The following PHACTR1 variants were observed in gnomAD, a reference collection of about 807,000 sequenced individuals.
The protein encoded by PHACTR1 is RPEL repeat containing 1.
In PHACTR1, 16 loss-of-function variants were observed where a neutral mutation model predicts 69.2. The observed-to-expected ratio is 0.23, with a 90% confidence interval of 0.16 to 0.35. The LOEUF is 0.35. Among genes scored for constraint, PHACTR1 ranks in the 10% least tolerant of loss-of-function variants. PHACTR1 has a pLI of 1.00. For missense variants in PHACTR1, 510 were observed against 734.7 expected (o/e 0.69, Z 3.54); for synonymous variants, 312 against 284.5 (o/e 1.10, Z -0.97).
At chr6:13,033,983 T>C (rs1386287654) in intron 4 of PHACTR1, among the ~76,000 whole-genome samples, 1 of 152,050 alleles carries the variant, frequency 6.6e-6, no homozygotes, top group Non-Finnish European at 1.5e-5. Flanking sequence ...TGTCCCACAA[T>C]ATTTTGAGTA....
At chr6:12,858,954 T>C (rs1382682660) in intron 4 of PHACTR1, among the ~76,000 whole-genome samples, 1 of 152,212 alleles carries the variant, frequency 6.6e-6, no homozygotes, top group African/African-American at 2.4e-5. Flanking sequence ...GATATTATGA[T>C]GTCAGTTTCA....
At position 12,797,040 on chromosome 6, in the gene PHACTR1, T is replaced by TGTGTGAGA. The variant is rs563796658; in HGVS notation, c.250+47251_250+47252insTGTGAGAG. The stretch of plus-strand genomic sequence containing the variant: ...GTGTGTGTGTGTGTGTGTGTGTGTG[T>TGTGTGAGA]GAGAGAGAGAGAGAGAGGGATATGA... On this transcript the variant is annotated intron_variant, in intron 4 of 14. Transcript: ENST00000332995. 3.7e-3 allele frequency among the ~76,000 whole-genome samples: 499 copies of TGTGTGAGA among 133,384 alleles called. 1 individual carries two copies. Among genetic ancestry groups the TGTGTGAGA allele is most frequent in the African/African-American group, 0.013 (475 of 35,762 alleles). 87.5% of individuals were successfully genotyped at this position (133,384 alleles called of 152,430 possible). A position where few individuals can be genotyped will look rare whatever the true frequency, so the allele number is the denominator to read the frequency against.
intron 4 of PHACTR1, among the ~76,000 whole-genome samples, chr6:12,852,246 T>G (rs4714930): frequency 0.47 from 71,282 of 152,084 alleles, 17,981 homozygotes; most frequent in African/African-American, 0.65. Flanking sequence ...CCAAGCAACG[T>G]CCCAGAGCTG....
At chr6:12,861,378 A>T (rs1231759037) in intron 4 of PHACTR1, among the ~76,000 whole-genome samples, 2 of 152,250 alleles carry the variant, frequency 1.3e-5, no homozygotes, top group African/African-American at 4.8e-5. Flanking sequence ...CAACAAAAAC[A>T]ATAATAATGC....
intron 4 of PHACTR1, among the ~76,000 whole-genome samples, chr6:12,975,190 T>C (rs949998421): frequency 2.0e-5 from 3 of 152,232 alleles, no homozygotes; most frequent in African/African-American, 4.8e-5. Flanking sequence ...GCCTGTGTTT[T>C]GCATTCTTTT....
intron 4 of PHACTR1, among the ~76,000 whole-genome samples, chr6:12,790,517 G>T (rs1364083453): frequency 2.0e-5 from 3 of 152,118 alleles, no homozygotes; most frequent in South Asian, 4.1e-4. Flanking sequence ...TCTTGCTTTC[G>T]CATTGTTCAT....
At chr6:12,885,085 G>A (rs934275280) in intron 4 of PHACTR1, among the ~76,000 whole-genome samples, 1 of 152,164 alleles carries the variant, frequency 6.6e-6, no homozygotes. Flanking sequence ...CCCACTCAGA[G>A]ACAGTGCAGA....
chr6:13,197,907 C>T (rs981540443), intron 7 of PHACTR1, among the ~76,000 whole-genome samples: 1 of 152,176 alleles, frequency 6.6e-6, no homozygotes, highest in Non-Finnish European at 1.5e-5. Flanking sequence ...AGGGGTGCTT[C>T]TCAGACTTGA....
At chr6:13,134,081 A>G (rs1373816739) in intron 5 of PHACTR1, among the ~76,000 whole-genome samples, 1 of 151,146 alleles carries the variant, frequency 6.6e-6, no homozygotes, top group South Asian at 2.1e-4. Flanking sequence ...CTGAGAAGTG[A>G]GGAGCCCCTC....
intron 5 of PHACTR1, among the ~76,000 whole-genome samples, chr6:13,094,115 A>C (rs1182368297): frequency 6.6e-6 from 1 of 152,042 alleles, no homozygotes; most frequent in Non-Finnish European, 1.5e-5. Context: ...TCAAGGGCTC[A>C]AGCAGTCCTC....
chr6:12,744,055 T>A (rs1429142170), intron 3 of PHACTR1, among the ~76,000 whole-genome samples: 1 of 152,218 alleles, frequency 6.6e-6, no homozygotes, highest in Non-Finnish European at 1.5e-5. Flanking sequence ...CCTGAATGAC[T>A]ACTGGGTACA....
intron 4 of PHACTR1, chr6:12,957,605 C>T: frequency 1.0e-6 from 1 of 985,600 alleles, no homozygotes; most frequent in Non-Finnish European, 1.2e-6. Context: ...TCTGAGTACC[C>T]GCAGGTCACA....
intron 6 of PHACTR1, among the ~76,000 whole-genome samples, chr6:13,173,119 A>C (rs1021532775): frequency 6.6e-6 from 1 of 152,316 alleles, no homozygotes; most frequent in South Asian, 2.1e-4. Flanking sequence ...TTTAAACACA[A>C]ACACACACAA....
intron 4 of PHACTR1, among the ~76,000 whole-genome samples, chr6:12,752,211 C>G (rs1250000013): frequency 1.3e-5 from 2 of 152,170 alleles, no homozygotes; most frequent in Non-Finnish European, 2.9e-5. Context: ...GCCTTTCTCC[C>G]GCATTTAAGA....
chr6:13,202,516 C>A (rs1003187206), intron 7 of PHACTR1, among the ~76,000 whole-genome samples: 1 of 142,630 alleles, frequency 7.0e-6, no homozygotes, highest in Non-Finnish European at 1.5e-5. Flanking sequence ...GAGTTTCACT[C>A]GCCCAGGCTA....
intron 5 of PHACTR1, among the ~76,000 whole-genome samples, chr6:13,063,775 G>C (rs1808064125): frequency 6.7e-6 from 1 of 150,072 alleles, no homozygotes; most frequent in African/African-American, 2.5e-5. Context: ...GTGAGACCCT[G>C]TCTGAAAAAA....
At chr6:13,154,567 A>G (rs1291340550) in intron 5 of PHACTR1, among the ~76,000 whole-genome samples, 1 of 152,194 alleles carries the variant, frequency 6.6e-6, no homozygotes, top group Admixed American at 6.5e-5. Flanking sequence ...TATAAAAATA[A>G]TATCTGCTCT....
intron 13 of PHACTR1, 52 bp from the exon 14 acceptor site, chr6:13,286,093 GT>G: frequency 3.4e-6 from 5 of 1,478,230 alleles, no homozygotes; most frequent in East Asian, 2.4e-5. Context: ...TGAAAGGGGA[GT>G]TTTTTTCTGT....
At chr6:13,039,127 C>T (rs746106000) in intron 4 of PHACTR1, among the ~76,000 whole-genome samples, 28 of 152,264 alleles carry the variant, frequency 1.8e-4, no homozygotes, top group African/African-American at 3.6e-4. Context: ...ATTTGGCAGG[C>T]GGCCAGTTTT....
Sources: gnomAD v4.1 joint callset for allele counts (sites outside exome capture counted in the v4.1 genomes callset) on GRCh38, gnomAD v4.1.1 for gene constraint, MANE v1.5 for transcripts, NCBI Gene and HGNC (gene_info 2026-07-23, HGNC 2026-07-21) for gene names.